The following ACTR5 variants were observed in gnomAD, a reference collection of about 807,000 sequenced individuals.
The protein encoded by ACTR5 is actin related protein 5, also known as actin-related protein 5.
ACTR5 carries 43 observed loss-of-function variants against 61.2 expected under a neutral mutation model. That is an observed-to-expected ratio of 0.70 (90% CI 0.55 to 0.91). The LOEUF is 0.91. Among genes scored for constraint, ACTR5 ranks in the 40% least tolerant of loss-of-function variants. The pLI is 0.00. For missense variants in ACTR5, 798 were observed against 782.2 expected, an observed-to-expected ratio of 1.02 and a Z score of -0.24; for synonymous variants, 333 against 310.5, an observed-to-expected ratio of 1.07 and a Z score of -0.76.
Position 38,748,518 on chromosome 20 carries a change from G to A in ACTR5, c.40G>A (p.Ala14Thr), listed in dbSNP as rs1040383666. Residue 14 changes from alanine (A) to threonine (T), a missense_variant, in exon 1 of 9, where the codon GCA (alanine) becomes ACA (threonine). Ala to Thr is a moderately conservative substitution (Grantham distance 58). Transcript: ENST00000243903. Reference protein sequence around the residue: ...NVFPFRDARAAPDPVLEAGPV... With the variant: ...NVFPFRDARATPDPVLEAGPV... ...GTTCCCGTTCCGCGACGCCCGTGCCGCACCGGACCCAGTGCTGGAGGCCGG... is the reference window on the plus strand; with the variant it reads ...GTTCCCGTTCCGCGACGCCCGTGCCACACCGGACCCAGTGCTGGAGGCCGG... 11 of 1,502,746 alleles carry A rather than the reference G, an allele frequency of 7.3e-6. No individual in the cohort carries two copies. Among genetic ancestry groups the A allele is most frequent in the Admixed American group, 4.4e-5 (2 of 45,684 alleles). 93.1% of individuals were successfully genotyped at this position (1,502,746 alleles called of 1,614,324 possible).
chr20:38,766,418 C>T (rs558180054), intron 7 of ACTR5, 41 bp downstream of exon 7: 240 of 1,542,286 alleles, frequency 1.6e-4, no homozygotes, highest in Non-Finnish European at 2.1e-4. Context: ...CTTCCTGAAC[C>T]ATTTCCTTGG....
intron 8 of ACTR5, 79 bp from the exon 9 acceptor site, chr20:38,771,480 C>T (rs757161343): frequency 7.8e-6 from 12 of 1,544,304 alleles, no homozygotes; most frequent in East Asian, 4.5e-5. Context: ...GATAAAATAT[C>T]GGGGGCTGTA....
intron 5 of ACTR5, 81 bp from the exon 6 acceptor site, chr20:38,765,321 G>C: frequency 4.1e-6 from 4 of 977,906 alleles, no homozygotes; most frequent in Non-Finnish European, 6.4e-6. Context: ...CAAGATCCCA[G>C]TTCTTTTTTG....
chr20:38,768,855 A>G (rs956041116), intron 8 of ACTR5, among the ~76,000 whole-genome samples: 3 of 152,204 alleles, frequency 2.0e-5, no homozygotes, highest in Admixed American at 6.5e-5. Context: ...TTTTTAGGCC[A>G]TAGTGATGAA....
intron 1 of ACTR5, among the ~76,000 whole-genome samples, chr20:38,749,240 C>G (rs983290429): frequency 1.3e-5 from 2 of 152,190 alleles, no homozygotes; most frequent in Non-Finnish European, 2.9e-5. Flanking sequence ...ATAGTAGATT[C>G]TACGCCGTGA....
chr20:38,754,856 TG>T, intron 3 of ACTR5, 100 bp from the exon 4 acceptor site: 1 of 1,192,210 alleles, frequency 8.4e-7, no homozygotes, highest in Non-Finnish European at 1.2e-6. Context: ...CCCAAAGTGC[TG>T]GGATTACAGG....
chr20:38,757,307 C>T (rs2084426162), intron 5 of ACTR5, among the ~76,000 whole-genome samples: 1 of 152,132 alleles, frequency 6.6e-6, no homozygotes, highest in Non-Finnish European at 1.5e-5. Context: ...GCCTGCAGGT[C>T]ACTCCTCAGT....
chr20:38,767,546 A>T lies in ACTR5; in HGVS notation c.1516A>T (p.Arg506Ter). 6.2e-7 allele frequency: 1 copy of T among 1,614,172 alleles called. No individual in the cohort carries two copies. Among genetic ancestry groups the T allele is most frequent in the Non-Finnish European group, 8.5e-7 (1 of 1,180,004 alleles). ...GNTMYPGMKA[R>*]MEKELLEMRP... ...CACGATGTATCCTGGCATGAAAGCC[A>T]GAATGGAGAAGGAACTGTTGGAGAT... The change falls in exon 8 of 9, where the codon AGA becomes TGA. Residue 506 changes from arginine (R) to a stop codon, truncating the protein, a stop_gained. Transcript: ENST00000243903. LOFTEE classifies it high-confidence loss of function.
At chr20:38,764,655 A>G (rs992290385) in intron 5 of ACTR5, among the ~76,000 whole-genome samples, 1 of 152,156 alleles carries the variant, frequency 6.6e-6, no homozygotes, top group African/African-American at 2.4e-5. Context: ...TGTTGAGCTC[A>G]TTAGCGTTGG....
rs369181430 is a variant in ACTR5, at chr20:38,771,662, A to G, written c.1670A>G (p.Tyr557Cys). 7.4e-6 allele frequency: 12 copies of G among 1,614,190 alleles called. No individual in the cohort carries two copies. Among genetic ancestry groups the G allele is most frequent in the Non-Finnish European group, 1.0e-5 (12 of 1,180,038 alleles). Residue 557 changes from tyrosine to cysteine, a missense_variant, in exon 9 of 9, where the codon TAT becomes TGT. Coordinates refer to ENST00000243903, the MANE Select transcript of ACTR5 (RefSeq NM_024855.4). Reference protein sequence around the residue: ...DNEVWITRKEYEEKGGEYLKE... With the variant: ...DNEVWITRKECEEKGGEYLKE... ...GAAGTTTGGATCACCAGGAAAGAGT[A>G]TGAAGAAAAGGGAGGAGAGTACCTC...
chr20:38,748,941 A>T (rs1337032860), intron 1 of ACTR5, 88 bp downstream of exon 1: 1 of 1,459,916 alleles, frequency 6.8e-7, no homozygotes, highest in Non-Finnish European at 9.1e-7. Context: ...GAGAGGTAAC[A>T]GTCACTTCAG....
chr20:38,763,702 C>T (rs371760439), intron 5 of ACTR5, among the ~76,000 whole-genome samples: 7 of 152,224 alleles, frequency 4.6e-5, no homozygotes, highest in East Asian at 3.8e-4. Context: ...CCATAGCATC[C>T]TCACCCATCA....
chr20:38,770,888 G>A (rs147151009), intron 8 of ACTR5, among the ~76,000 whole-genome samples: 342 of 152,258 alleles, frequency 2.2e-3, no homozygotes, highest in African/African-American at 7.7e-3. Context: ...ATTCTAACCT[G>A]GAACTCATGG....
intron 5 of ACTR5, among the ~76,000 whole-genome samples, chr20:38,764,348 C>T (rs988168457): frequency 1.3e-5 from 2 of 152,212 alleles, no homozygotes; most frequent in African/African-American, 4.8e-5. Flanking sequence ...AGCATTCTTC[C>T]TTGGGATGCA....
Position 38,771,731 on chromosome 20 carries a change from C to T in ACTR5, c.1739C>T (p.Pro580Leu), listed in dbSNP as rs3752289. The part of the protein sequence containing the change: ...ASNIYVPIRL[P>L]KQASRSSDAQ... ...AACATCTATGTCCCCATCCGCCTGC[C>T]GAAGCAGGCCTCCCGCTCCTCAGAT... is the stretch of plus-strand genomic sequence containing the variant. Residue 580 changes from proline (P) to leucine (L), a missense_variant, in exon 9 of 9, where the codon CCG (proline) becomes CTG (leucine). Transcript: ENST00000243903. 5.7e-4 allele frequency: 918 copies of T among 1,614,178 alleles called. 6 individuals carry two copies. In the East Asian group the frequency reaches 0.014, roughly 25 times the overall value.
intron 5 of ACTR5, among the ~76,000 whole-genome samples, chr20:38,757,441 T>G (rs1457626535): frequency 6.6e-6 from 1 of 152,232 alleles, no homozygotes; most frequent in Non-Finnish European, 1.5e-5. Flanking sequence ...TGAGACATGT[T>G]TTAGGCAGGA....
chr20:38,750,176 G>A lies in ACTR5; in HGVS notation c.542G>A (p.Cys181Tyr). The A allele has an allele frequency of 6.2e-7, 1 of 1,614,208 alleles. No individual in the cohort carries two copies. Among genetic ancestry groups the A allele is most frequent in the Non-Finnish European group, 8.5e-7 (1 of 1,180,034 alleles). ...CACAATAAGCCAAAGAACTCGATGT[G>A]CAGTGGGCTAATCATTTCATCTGGA... ...FYHNKPKNSM[C>Y]SGLIISSGYQ... Residue 181 changes from cysteine (C) to tyrosine (Y), a missense_variant, in exon 2 of 9, where the codon TGC becomes TAC. Transcript: ENST00000243903.
chr20:38,755,326 T>C (rs1437332503), intron 4 of ACTR5, 152 bp downstream of exon 4: 18 of 785,650 alleles, frequency 2.3e-5, no homozygotes, highest in Non-Finnish European at 3.4e-5. Flanking sequence ...CAGCATAGAA[T>C]ACAGTGTAGA....
At chr20:38,770,109 C>G (rs980930182) in intron 8 of ACTR5, among the ~76,000 whole-genome samples, 6 of 151,760 alleles carry the variant, frequency 4.0e-5, no homozygotes, top group African/African-American at 1.5e-4. Flanking sequence ...AGCCTCAGCT[C>G]CCCCCTCCCC....
Sources: gnomAD v4.1 joint callset for allele counts (sites outside exome capture counted in the v4.1 genomes callset) on GRCh38, gnomAD v4.1.1 for gene constraint, MANE v1.5 for transcripts, NCBI Gene and HGNC (gene_info 2026-07-23, HGNC 2026-07-21) for gene names.